The following TM7SF3 variants were observed in gnomAD, a reference collection of about 807,000 sequenced individuals.
The protein encoded by TM7SF3 is transmembrane 7 superfamily member 3.
A neutral mutation model predicts 65.5 loss-of-function variants in TM7SF3; 60 were observed. That is an observed-to-expected ratio of 0.92 (90% CI 0.74 to 1.14). The LOEUF (loss-of-function observed/expected upper bound fraction) is 1.14. TM7SF3 is among the 50% of genes most tolerant of loss of function. TM7SF3 has a pLI of 0.00. For missense variants in TM7SF3, 623 were observed against 684.8 expected (o/e 0.91, Z 1.01); for synonymous variants, 264 against 259.6 (o/e 1.02, Z -0.16).
Position 27,003,429 on chromosome 12 carries a change from CTCATA to C in TM7SF3, c.92-44_92-40del, listed in dbSNP as rs781468515. 4 of 1,540,716 alleles carry C rather than the reference CTCATA, an allele frequency of 2.6e-6. No homozygotes were observed. In the African/African-American group the frequency reaches 5.5e-5, roughly 21 times the overall value. On this transcript the variant is annotated intron_variant, in intron 1 of 11. Transcript: ENST00000343028. ...AACTTTTCATTACAACACTTGTACT[CTCATA>C]TCAATTTGCAGAAATCATATTCATA...
intron 3 of TM7SF3, among the ~76,000 whole-genome samples, chr12:26,997,068 A>G (rs1057067567): frequency 6.6e-6 from 1 of 152,256 alleles, no homozygotes; most frequent in African/African-American, 2.4e-5. Flanking sequence ...AGCAGGGCAG[A>G]GCCAAAATTT....
chr12:27,013,475 T>C (rs1056109592), intron 1 of TM7SF3, among the ~76,000 whole-genome samples: 5 of 152,372 alleles, frequency 3.3e-5, no homozygotes, highest in Admixed American at 2.0e-4. Flanking sequence ...TGTATGTCTA[T>C]GTATCTGTAA....
In TM7SF3 at chr12:27,004,964, G is replaced by A. The variant is rs7134918; in HGVS notation, c.92-1574C>T. Among the ~76,000 whole-genome samples, 1,275 of 152,186 alleles carry A rather than the reference G, an allele frequency of 8.4e-3. 16 individuals are homozygous for A. The highest frequency in any genetic ancestry group is 0.029 in the African/African-American group (1,222 of 41,532). The stretch of plus-strand genomic sequence containing the variant: ...AGGAATGGCCAATAGAATCTGGGTA[G>A]GGAAGTCTGGAAAAAGTTTGTGTGC... On this transcript the variant is annotated intron_variant, in intron 1 of 11. Coordinates refer to ENST00000343028, the MANE Select transcript of TM7SF3 (RefSeq NM_016551.3).
At chr12:26,985,062 G>A (rs953115726) in intron 6 of TM7SF3, among the ~76,000 whole-genome samples, 1 of 152,174 alleles carries the variant, frequency 6.6e-6, no homozygotes, top group Non-Finnish European at 1.5e-5. Context: ...TGGGCGGGAA[G>A]AACAACTGGA....
At position 26,973,792 on chromosome 12, in the gene TM7SF3, C is replaced by T; in HGVS notation, c.*173G>A. 3.9e-6 allele frequency: 3 copies of T among 765,170 alleles called. No homozygotes were observed. Among genetic ancestry groups the T allele is most frequent in the Non-Finnish European group, 5.8e-6 (3 of 521,690 alleles). The allele number at this position is 765,170 out of a possible 1,614,324, so 47.4% of individuals were successfully genotyped here. A position where few individuals can be genotyped will look rare whatever the true frequency, so the allele number is the denominator to read the frequency against. On this transcript the variant is annotated 3_prime_UTR_variant, in exon 12 of 12. Transcript: ENST00000343028. The stretch of plus-strand genomic sequence containing the variant: ...TTTGGTCATCTTTCTCATTCTCTTA[C>T]AATCATCCTAATCCCCTAGTACACC...
At chr12:27,001,773 G>T (rs1404830113) in intron 2 of TM7SF3, among the ~76,000 whole-genome samples, 1 of 152,194 alleles carries the variant, frequency 6.6e-6, no homozygotes, top group Non-Finnish European at 1.5e-5. Context: ...AGTCTCCTAT[G>T]TAAGAGTCTG....
At chr12:26,988,672 TTGTGTGTGTGTGTGTGTG>T (rs147021582) in intron 6 of TM7SF3, among the ~76,000 whole-genome samples, 3 of 146,324 alleles carry the variant, frequency 2.1e-5, no homozygotes, top group South Asian at 4.5e-4. Context: ...GAGAAGAAAA[TTGTGTGTGTGTGTGTGTG>T]TGTGTGTGTG....
chr12:27,013,558 A>G (rs1364583697), intron 1 of TM7SF3, among the ~76,000 whole-genome samples: 3 of 152,174 alleles, frequency 2.0e-5, no homozygotes, highest in Non-Finnish European at 4.4e-5. Flanking sequence ...AATAAATTAG[A>G]TGGTAAAGGC....
At position 27,003,265 on chromosome 12, in the gene TM7SF3, A is replaced by G; in HGVS notation, c.217T>C (p.Tyr73His). Residue 73 changes from tyrosine to histidine, a missense_variant, in exon 2 of 12, where the codon TAT (tyrosine) becomes CAT (histidine). Physicochemically the swap from Tyr to His is moderately conservative, Grantham distance 83. Transcript: ENST00000343028. ...GAAAAGGAAACAGTTGTATTCTGATACTGTGAGTGTATTTGGAAAATAAGA... is the reference window on the plus strand; with the variant it reads ...GAAAAGGAAACAGTTGTATTCTGATGCTGTGAGTGTATTTGGAAAATAAGA... ...TFLIFQIHSQ[Y>H]QNTTVSFSPT... 6.2e-7 allele frequency: 1 copy of G among 1,612,324 alleles called. No individual in the cohort carries two copies.
At position 26,976,347 on chromosome 12, in the gene TM7SF3, C is replaced by T; in HGVS notation, c.1200G>A (p.Lys400=). Residue 400 remains lysine (K), a synonymous_variant, in exon 10 of 12, where the codon AAG becomes AAA. Transcript: ENST00000343028. ...VTFFTPLGNL[K]IFHDDGVFWV... is the part of the protein sequence containing the mutation. ...AGAATACACCATCATCATGAAAAAT[C>T]TTTAGGTTTCCTGAAAAAGCAAAAA... 6.2e-7 allele frequency: 1 copy of T among 1,613,368 alleles called. No individual in the cohort carries two copies.
intron 4 of TM7SF3, 42 bp from the exon 5 acceptor site, chr12:26,995,450 G>A: frequency 6.2e-7 from 1 of 1,603,694 alleles, no homozygotes; most frequent in Non-Finnish European, 8.5e-7. Context: ...CTCTTGTGGT[G>A]CAAGTCCCAT....
chr12:27,013,438 T>C (rs1347817020), intron 1 of TM7SF3, among the ~76,000 whole-genome samples: 2 of 152,246 alleles, frequency 1.3e-5, no homozygotes, highest in Non-Finnish European at 2.9e-5. Flanking sequence ...GCTGAACTTG[T>C]AGAATTGAGG....
At chr12:26,995,177 T>G in intron 5 of TM7SF3, 60 bp downstream of exon 5, 1 of 1,535,740 alleles carries the variant, frequency 6.5e-7, no homozygotes, top group Non-Finnish European at 8.9e-7. Flanking sequence ...GCTTCTCCCC[T>G]TCTCAACTCT....
rs1037511653 is a variant in TM7SF3 at position 26,988,360 on chromosome 12, C to T, written c.868+2090G>A. On this transcript the variant is annotated intron_variant, in intron 6 of 11. Coordinates refer to ENST00000343028, the MANE Select transcript of TM7SF3 (RefSeq NM_016551.3). ...TGTATTTTTTGTAGAGACGGAGTTT[C>T]GCCATGTTGCCCAGGCTGGTCTTGA... 3.3e-5 allele frequency among the ~76,000 whole-genome samples: 5 copies of T among 152,114 alleles called. No homozygotes were observed. In the East Asian group the frequency reaches 7.7e-4, roughly 23 times the overall value.
intron 3 of TM7SF3, among the ~76,000 whole-genome samples, chr12:26,999,293 G>A (rs1042835734): frequency 1.2e-4 from 18 of 152,082 alleles, no homozygotes; most frequent in African/African-American, 3.6e-4. Context: ...CTACTTGGGA[G>A]GCTGAGGCAG....
chr12:26,985,533 G>C (rs1057260924), intron 6 of TM7SF3, among the ~76,000 whole-genome samples: 2 of 147,470 alleles, frequency 1.4e-5, no homozygotes, highest in East Asian at 2.0e-4. Flanking sequence ...GCTGAGGTAC[G>C]TGAATTACTT....
chr12:27,014,264 G>T lies in TM7SF3; in HGVS notation c.-96C>A. The T allele has an allele frequency of 8.5e-7, 1 of 1,171,480 alleles. No homozygotes were observed. Among genetic ancestry groups the T allele is most frequent in the Non-Finnish European group, 1.1e-6 (1 of 873,662 alleles). 72.6% of individuals were successfully genotyped at this position (1,171,480 alleles called of 1,614,324 possible). A position where few individuals can be genotyped will look rare whatever the true frequency, so the allele number is the denominator to read the frequency against. On this transcript the variant is annotated 5_prime_UTR_variant, in exon 1 of 12. Transcript: ENST00000343028. ...AGCCTCGCCCACGCTATCCCGGGGC[G>T]CCCGCATCGGGCGCCATCGCCCGCC...
intron 1 of TM7SF3, chr12:27,013,092 A>G (rs1941312519): frequency 6.0e-6 from 1 of 168,052 alleles, no homozygotes; most frequent in African/African-American, 2.4e-5. Flanking sequence ...CCCACAGGTG[A>G]ATTTGAAGTG....
At chr12:26,980,031 C>T (rs1939748899) in intron 8 of TM7SF3, 95 bp from the exon 9 acceptor site, 15 of 1,464,336 alleles carry the variant, frequency 1.0e-5, no homozygotes, top group Non-Finnish European at 1.4e-5. Context: ...CCAGCTTCAG[C>T]TTTCTGTAGG....
Sources: gnomAD v4.1 joint callset for allele counts (sites outside exome capture counted in the v4.1 genomes callset) on GRCh38, gnomAD v4.1.1 for gene constraint, MANE v1.5 for transcripts, NCBI Gene and HGNC (gene_info 2026-07-23, HGNC 2026-07-21) for gene names.